Variants in HEG1 observed in about 807,000 individuals in gnomAD.
HEG1 encodes protein HEG homolog 1.
In HEG1, 56 loss-of-function variants were observed where a neutral mutation model predicts 125.6. The observed-to-expected ratio is 0.45, with a 90% CI of 0.36 to 0.56. The LOEUF is 0.56. Among genes scored for constraint, HEG1 ranks in the 20% least tolerant of loss-of-function variants. The pLI, the probability that HEG1 is intolerant of heterozygous loss-of-function variation, is 0.00. For missense variants in HEG1, 1,523 were observed against 1,670.0 expected (o/e 0.91, Z 1.53); for synonymous variants, 644 against 668.5 (o/e 0.96, Z 0.57).
chr3:124,996,246 A>G (rs1032415252), intron 12 of HEG1, among the ~76,000 whole-genome samples: 1 of 151,864 alleles, frequency 6.6e-6, no homozygotes, highest in Non-Finnish European at 1.5e-5. Flanking sequence ...CATCACACCC[A>G]GCTAATTTTG....
At chr3:125,041,133 T>C (rs964190154) in intron 1 of HEG1, among the ~76,000 whole-genome samples, 3 of 152,172 alleles carry the variant, frequency 2.0e-5, no homozygotes, top group Admixed American at 1.3e-4. Context: ...CCAGTGAAGA[T>C]TGAGCAGAGA....
chr3:125,002,192 C>T, intron 10 of HEG1, 65 bp downstream of exon 10: 1 of 1,540,410 alleles, frequency 6.5e-7, no homozygotes, highest in Non-Finnish European at 8.9e-7. Flanking sequence ...TTGCTATCAC[C>T]CATGTTAGAA....
intron 14 of HEG1, among the ~76,000 whole-genome samples, chr3:124,988,664 A>G (rs1465707128): frequency 6.6e-6 from 1 of 152,182 alleles, no homozygotes; most frequent in East Asian, 1.9e-4. Context: ...CACGCCTGGA[A>G]TCCCAGCACT....
chr3:125,010,721 T>C (rs141151418), intron 6 of HEG1, among the ~76,000 whole-genome samples, 166 bp from the exon 7 acceptor site: 1 of 152,224 alleles, frequency 6.6e-6, no homozygotes, highest in Admixed American at 6.5e-5. Flanking sequence ...CAGAGGTGCA[T>C]TGGGACTGGG....
At position 125,010,546 on chromosome 3, in the gene HEG1, C is replaced by T. The variant is rs1255348395; in HGVS notation, c.2966G>A (p.Cys989Tyr). The part of the protein sequence containing the change: ...TVSSSASVNS[C>Y]AVNPCLHNGE... ...ATTGTGAAGACAAGGGTTCACAGCA[C>T]AGCTGTTGACTACAAACACATTCCA... The change falls in exon 7 of 17, where the codon TGT (cysteine) becomes TAT (tyrosine). Residue 989 changes from cysteine to tyrosine, a missense_variant. Coordinates refer to ENST00000311127, the MANE Select transcript of HEG1 (RefSeq NM_020733.2). The T allele has an allele frequency of 3.9e-6, 6 of 1,550,042 alleles. No individual in the cohort carries two copies. Among genetic ancestry groups the T allele is most frequent in the Non-Finnish European group, 3.5e-6 (4 of 1,144,714 alleles).
At position 125,013,457 on chromosome 3, in the gene HEG1, C is replaced by T. The variant is rs1318249330; in HGVS notation, c.2122G>A (p.Ala708Thr). Residue 708 changes from alanine (A) to threonine (T), a missense_variant, in exon 6 of 17, where the codon GCA (alanine) becomes ACA (threonine). By Grantham distance (58) the Ala-to-Thr change is moderately conservative. Coordinates refer to ENST00000311127, the MANE Select transcript of HEG1 (RefSeq NM_020733.2). The stretch of plus-strand genomic sequence containing the variant: ...GGTGAGGAAGACCATGGTGTGGATG[C>T]ATCAGAGGTAGACTTTAGTAGATGC... The part of the protein sequence containing the change: ...SVHLLKSTSD[A>T]STPWSSSPSP... 1.9e-6 allele frequency: 3 copies of T among 1,613,598 alleles called. No individual in the cohort carries two copies. The highest frequency in any genetic ancestry group is 1.3e-5 in the African/African-American group (1 of 74,800).
chr3:124,991,172 T>TA (rs1936828477), intron 12 of HEG1, among the ~76,000 whole-genome samples, 186 bp from the exon 13 acceptor site: 1 of 148,622 alleles, frequency 6.7e-6, no homozygotes, highest in Non-Finnish European at 1.5e-5. Context: ...TTTTCTGAGA[T>TA]AGAGTCTCGC....
rs1000641525 is a variant in HEG1, at chr3:125,012,789, C to T, written c.2790G>A (p.Lys930=). The T allele has an allele frequency of 6.2e-7, 1 of 1,613,938 alleles. No individual in the cohort carries two copies. The highest frequency in any genetic ancestry group is 1.3e-5 in the African/African-American group (1 of 74,930). ...VPTSAKEMTT[K]LGVTAEYSPA... ...GGCTGTACTCTGCTGTAACGCCAAG[C>T]TTTGTGGTCATTTCTTTTGCTGATG... Residue 930 remains lysine (K), a synonymous_variant, in exon 6 of 17, where the codon AAG becomes AAA. Transcript: ENST00000311127.
intron 1 of HEG1, among the ~76,000 whole-genome samples, chr3:125,040,995 G>C (rs1288603972): frequency 6.6e-6 from 1 of 152,202 alleles, no homozygotes; most frequent in Non-Finnish European, 1.5e-5. Flanking sequence ...TTTTACAGAA[G>C]TGGAGACTGA....
chr3:125,016,646 C>G (rs771669972), intron 5 of HEG1, among the ~76,000 whole-genome samples: 28 of 152,190 alleles, frequency 1.8e-4, no homozygotes, highest in Non-Finnish European at 3.8e-4. Context: ...GGTATTCTTT[C>G]ATGATAAGCA....
At chr3:125,022,105 A>T (rs1464504978) in intron 3 of HEG1, among the ~76,000 whole-genome samples, 1 of 152,244 alleles carries the variant, frequency 6.6e-6, no homozygotes, top group Admixed American at 6.5e-5. Flanking sequence ...ACTGACCTCC[A>T]GAAAGGTCTA....
intron 1 of HEG1, among the ~76,000 whole-genome samples, chr3:125,049,919 G>T (rs1560037442): frequency 6.6e-6 from 1 of 152,146 alleles, no homozygotes. Context: ...CCTTGGTGTG[G>T]ATGGGATGAA....
chr3:125,045,467 A>G (rs1400438006), intron 1 of HEG1, among the ~76,000 whole-genome samples: 1 of 152,224 alleles, frequency 6.6e-6, no homozygotes, highest in Non-Finnish European at 1.5e-5. Flanking sequence ...CAGGTGCTCC[A>G]TAAATGTTCA....
At position 125,020,654 on chromosome 3, in the gene HEG1, G is replaced by A. The variant is rs1308010864; in HGVS notation, c.1252+138C>T. On this transcript the variant is annotated intron_variant, in intron 4 of 16. Coordinates refer to ENST00000311127, the MANE Select transcript of HEG1 (RefSeq NM_020733.2). Reference sequence around the variant, plus strand: ...CTAACTTCACAATGTTCTCATAAGAGTGACCATCAAAATGCAATAGTGCCA... The same window carrying A: ...CTAACTTCACAATGTTCTCATAAGAATGACCATCAAAATGCAATAGTGCCA... 3 of 664,566 alleles carry A rather than the reference G, an allele frequency of 4.5e-6. No homozygotes were observed. In the African/African-American group the frequency reaches 5.4e-5, roughly 12 times the overall value. 41.2% of individuals were successfully genotyped at this position (664,566 alleles called of 1,614,324 possible).
In HEG1 at chr3:125,019,331, A is replaced by G. The variant is rs371315406; in HGVS notation, c.1519T>C (p.Tyr507His). 1.2e-4 allele frequency: 197 copies of G among 1,613,858 alleles called. 2 individuals carry two copies. The highest frequency in any genetic ancestry group is 5.6e-4 in the South Asian group (51 of 91,074). ...GAAGATGTAGATGAAGACTCTGAATAACTCCTATCTCCCAATGCTGTGTGA... is the reference window on the plus strand; with the variant it reads ...GAAGATGTAGATGAAGACTCTGAATGACTCCTATCTCCCAATGCTGTGTGA... Reference protein sequence around the residue: ...GSHTALGDRSYSESSSTSSSE... With the variant: ...GSHTALGDRSHSESSSTSSSE... The change falls in exon 5 of 17, where the codon TAT becomes CAT. Residue 507 changes from tyrosine to histidine, a missense_variant. Physicochemically the swap from Tyr to His is moderately conservative, Grantham distance 83 (BLOSUM62 2). Coordinates refer to ENST00000311127, the MANE Select transcript of HEG1 (RefSeq NM_020733.2).
At chr3:125,021,681 T>C (rs1162538173) in intron 3 of HEG1, among the ~76,000 whole-genome samples, 1 of 152,208 alleles carries the variant, frequency 6.6e-6, no homozygotes, top group African/African-American at 2.4e-5. Context: ...TTCCTAGGCT[T>C]GTCACCATCA....
In HEG1 at chr3:125,053,405, G is replaced by GA. The variant is rs1342375404; in HGVS notation, c.316+2169dup. Among the ~76,000 whole-genome samples, 12 of 151,974 alleles carry GA rather than the reference G, an allele frequency of 7.9e-5. No individual in the cohort carries two copies. In the East Asian group the frequency reaches 1.5e-3, roughly 20 times the overall value. ...AATGATACTGTTTGAGCCACTACCA[G>GA]AAAAAAAAGCACAGGTCATGCCTAG... On this transcript the variant is annotated intron_variant, in intron 1 of 16. Coordinates refer to ENST00000311127, the MANE Select transcript of HEG1 (RefSeq NM_020733.2).
In HEG1 at chr3:125,036,991, C is replaced by T. The variant is rs567154906; in HGVS notation, c.317-7503G>A. 1.4e-3 allele frequency among the ~76,000 whole-genome samples: 215 copies of T among 152,192 alleles called. 3 individuals carry two copies. The highest frequency in any genetic ancestry group is 2.4e-3 in the Admixed American group (36 of 15,300). The stretch of plus-strand genomic sequence containing the variant: ...AATTATTAGGAAGGGTGCAAAGTTT[C>T]GGGTATAAGGAAGTTTATCACAGAA... On this transcript the variant is annotated intron_variant, in intron 1 of 16. Transcript: ENST00000311127.
In HEG1 at chr3:124,968,877, T is replaced by C. The variant is rs1340711869; in HGVS notation, c.*1775A>G. Reference sequence around the variant, plus strand: ...TTTGAAATTTTAGGTTAGCCTCCACTGATAAAAACAGTTCTCCTTTTATTT... The same window carrying C: ...TTTGAAATTTTAGGTTAGCCTCCACCGATAAAAACAGTTCTCCTTTTATTT... On this transcript the variant is annotated 3_prime_UTR_variant, in exon 17 of 17. Transcript: ENST00000311127. 6.6e-6 allele frequency: 1 copy of C among 152,244 alleles called. No homozygotes were observed. The highest frequency in any genetic ancestry group is 6.5e-5 in the Admixed American group (1 of 15,290). The allele number at this position is 152,244 out of a possible 1,614,324, so 9.4% of individuals were successfully genotyped here. A position where few individuals can be genotyped will look rare whatever the true frequency, so the allele number is the denominator to read the frequency against.
Sources: gnomAD v4.1 joint callset for allele counts (sites outside exome capture counted in the v4.1 genomes callset) on GRCh38, gnomAD v4.1.1 for gene constraint, MANE v1.5 for transcripts, NCBI Gene and HGNC (gene_info 2026-07-23, HGNC 2026-07-21) for gene names.